HOMER1: variants seen among roughly 807,000 people sequenced by gnomAD.
HOMER1 encodes homer scaffold protein 1.
Under a neutral mutation model 48.9 loss-of-function variants are expected in HOMER1, and 3 were observed. The ratio of observed to expected loss-of-function variants is 0.06; its 90% confidence interval spans 0.03 to 0.16. The LOEUF is 0.16. Among genes scored for constraint, HOMER1 ranks in the 10% least tolerant of loss-of-function variants. The pLI is 1.00. For missense variants in HOMER1, 247 were observed against 411.4 expected (o/e 0.60, Z 3.46); for synonymous variants, 134 against 146.4 (o/e 0.92, Z 0.61).
At chr5:79,497,802 A>C (rs892164760) in intron 1 of HOMER1, among the ~76,000 whole-genome samples, 3 of 152,132 alleles carry the variant, frequency 2.0e-5, no homozygotes, top group Non-Finnish European at 4.4e-5. Flanking sequence ...GAATGGACAA[A>C]AGTTTCTCAC....
At position 79,422,991 on chromosome 5, in the gene HOMER1, TG is replaced by T. The variant is rs565124983; in HGVS notation, c.527+16018del. Among the ~76,000 whole-genome samples the T allele has an allele frequency of 5.0e-3, 754 of 152,254 alleles. 3 individuals carry two copies. The highest frequency in any genetic ancestry group is 8.4e-3 in the Non-Finnish European group (571 of 67,992). ...AAGTGATAGTCTTCCCTGGTCCTTT[TG>T]GGTATAACACTTTAAGTTAGTCTAG... On this transcript the variant is annotated intron_variant, in intron 5 of 8. Transcript: ENST00000334082.
At chr5:79,388,838 A>G (rs1749180735) in intron 8 of HOMER1, among the ~76,000 whole-genome samples, 1 of 152,050 alleles carries the variant, frequency 6.6e-6, no homozygotes, top group South Asian at 2.1e-4. Context: ...AGAGGTTGCA[A>G]AAAACAAAAT....
At position 79,408,509 on chromosome 5, in the gene HOMER1, C is replaced by T. The variant is rs186854826; in HGVS notation, c.528-6454G>A. On this transcript the variant is annotated intron_variant, in intron 5 of 8. Transcript: ENST00000334082. ...TAAAAGGTCCAAAGGTATGATAATACGAAGGAGAAATAACAGTCTTTTAAA... is the reference window on the plus strand; with the variant it reads ...TAAAAGGTCCAAAGGTATGATAATATGAAGGAGAAATAACAGTCTTTTAAA... Among the ~76,000 whole-genome samples the T allele has an allele frequency of 5.9e-5, 9 of 151,954 alleles. No individual in the cohort carries two copies. In the East Asian group the frequency reaches 7.7e-4, roughly 13 times the overall value.
chr5:79,386,928 C>A (rs77666345), intron 8 of HOMER1, among the ~76,000 whole-genome samples: 4,818 of 129,744 alleles, frequency 0.037, 246 homozygotes, highest in African/African-American at 0.13. Flanking sequence ...CTCCCTCCTC[C>A]CCTCCCTTCC....
chr5:79,382,376 A>G (rs376532242), intron 8 of HOMER1, among the ~76,000 whole-genome samples: 90 of 152,346 alleles, frequency 5.9e-4, no homozygotes, highest in Middle Eastern at 3.4e-3. Flanking sequence ...CAAATTGTCT[A>G]AAGACAAAAT....
intron 1 of HOMER1, among the ~76,000 whole-genome samples, chr5:79,498,835 C>CT (rs368140541): frequency 0.32 from 42,642 of 133,828 alleles, 7,326 homozygotes; most frequent in East Asian, 0.62. Flanking sequence ...CAGGTCTCCA[C>CT]TTTTTTTTTT....
chr5:79,376,417 C>A (rs1015637789), intron 8 of HOMER1, among the ~76,000 whole-genome samples: 3 of 152,112 alleles, frequency 2.0e-5, no homozygotes, highest in African/African-American at 7.2e-5. Context: ...TATCTAACCA[C>A]TCAACGAAAA....
chr5:79,418,676 TA>T (rs1252120036), intron 5 of HOMER1, among the ~76,000 whole-genome samples: 2 of 152,160 alleles, frequency 1.3e-5, no homozygotes, highest in Non-Finnish European at 2.9e-5. Context: ...AAGTATGAAT[TA>T]ACTAACACAG....
intron 5 of HOMER1, among the ~76,000 whole-genome samples, chr5:79,428,411 T>C (rs1750330147): frequency 6.6e-6 from 1 of 152,152 alleles, no homozygotes; most frequent in Admixed American, 6.5e-5. Flanking sequence ...TCCTGTCACT[T>C]CTATTCAACA....
At chr5:79,445,450 GTAAC>G (rs1223837515) in intron 4 of HOMER1, among the ~76,000 whole-genome samples, 1 of 152,156 alleles carries the variant, frequency 6.6e-6, no homozygotes, top group Non-Finnish European at 1.5e-5. Context: ...GTACCAAAAT[GTAAC>G]TATTTAATCA....
intron 1 of HOMER1, among the ~76,000 whole-genome samples, chr5:79,486,166 C>T (rs1048593338): frequency 7.2e-5 from 11 of 152,122 alleles, no homozygotes; most frequent in Non-Finnish European, 1.6e-4. Flanking sequence ...ATGAGTGACC[C>T]GTTTAAAAGT....
At chr5:79,383,251 T>A (rs1270946862) in intron 8 of HOMER1, among the ~76,000 whole-genome samples, 1 of 152,134 alleles carries the variant, frequency 6.6e-6, no homozygotes, top group Non-Finnish European at 1.5e-5. Context: ...TAGATTCCAA[T>A]ACAATAATTT....
intron 1 of HOMER1, chr5:79,510,912 C>A: frequency 3.1e-6 from 2 of 639,844 alleles, no homozygotes; most frequent in South Asian, 1.9e-5. Flanking sequence ...CTCTATCTGC[C>A]AACGTGAGGA....
At chr5:79,399,729 C>T (rs1468107341) in intron 6 of HOMER1, among the ~76,000 whole-genome samples, 1 of 151,890 alleles carries the variant, frequency 6.6e-6, no homozygotes, top group Non-Finnish European at 1.5e-5. Context: ...ATGTCCAATA[C>T]AAAATTAAAA....
At chr5:79,441,053 G>A (rs1380171253) in intron 4 of HOMER1, among the ~76,000 whole-genome samples, 2 of 152,044 alleles carry the variant, frequency 1.3e-5, no homozygotes, top group East Asian at 1.9e-4. Flanking sequence ...CCAGCTATTC[G>A]GGAGGCTGAG....
intron 5 of HOMER1, among the ~76,000 whole-genome samples, chr5:79,429,377 A>G (rs1453658306): frequency 2.6e-5 from 4 of 152,206 alleles, no homozygotes; most frequent in African/African-American, 9.6e-5. Flanking sequence ...TCTGTCTGAA[A>G]AAAAGAAAGT....
intron 8 of HOMER1, among the ~76,000 whole-genome samples, chr5:79,387,133 C>T (rs75918309): frequency 0.067 from 10,000 of 150,012 alleles, 401 homozygotes; most frequent in South Asian, 0.14. Context: ...ATCACCCAGA[C>T]GTACACGTTT....
chr5:79,396,625 C>T (rs1749391676), intron 8 of HOMER1, among the ~76,000 whole-genome samples, 198 bp downstream of exon 8: 1 of 151,966 alleles, frequency 6.6e-6, no homozygotes, highest in Admixed American at 6.6e-5. Flanking sequence ...AAATGACCAT[C>T]TATGATAATT....
At chr5:79,438,631 A>T (rs535781727) in intron 5 of HOMER1, among the ~76,000 whole-genome samples, 90 of 152,258 alleles carry the variant, frequency 5.9e-4, no homozygotes, top group African/African-American at 2.1e-3. Flanking sequence ...CCAACTTATA[A>T]CCTTCAAGAA....
Sources: allele counts gnomAD v4.1 joint callset (sites outside exome capture counted in the v4.1 genomes callset), GRCh38; gene constraint gnomAD v4.1.1; transcripts MANE v1.5; gene names NCBI Gene and HGNC (gene_info 2026-07-23, HGNC 2026-07-21).